The following ZNF292 variants were observed in gnomAD, a reference collection of about 807,000 sequenced individuals.
ZNF292 encodes 16 zinc-finger domain protein.
A neutral mutation model predicts 217.9 loss-of-function variants in ZNF292; 26 were observed. That is an observed-to-expected ratio of 0.12 (90% CI 0.09 to 0.17). The LOEUF (loss-of-function observed/expected upper bound fraction) is 0.17, where lower values mean the gene tolerates loss of function less well. ZNF292 is among the 10% of genes least tolerant of loss of function. ZNF292 has a pLI of 1.00. For synonymous variants in ZNF292, 1,257 were observed against 1,124.1 expected, an observed-to-expected ratio of 1.12 and a Z score of -2.37; for missense variants, 2,904 against 3,175.2, an observed-to-expected ratio of 0.91 and a Z score of 2.05.
chr6:87,159,425 T>G lies in ZNF292; in HGVS notation c.168+3666T>G, dbSNP rs1286418721. Among the ~76,000 whole-genome samples the G allele has an allele frequency of 3.3e-5, 5 of 151,554 alleles. No individual in the cohort carries two copies. In the South Asian group the frequency reaches 1.0e-3, roughly 31 times the overall value. ...GGGGTCTTGCTACATTGCCCAGGTATGATCATAGCACACTACAACCTCAAA... is the reference window on the plus strand; with the variant it reads ...GGGGTCTTGCTACATTGCCCAGGTAGGATCATAGCACACTACAACCTCAAA... On this transcript the variant is annotated intron_variant, in intron 1 of 7. Coordinates refer to ENST00000369577, the MANE Select transcript of ZNF292 (RefSeq NM_015021.3).
rs771418582 is a variant in ZNF292 at position 87,255,495 on chromosome 6, G to A, written c.1866G>A (p.Gln622=). Residue 622 remains glutamine (Q), a synonymous_variant, in exon 8 of 8, where the codon CAG becomes CAA. Transcript: ENST00000369577. The stretch of plus-strand genomic sequence containing the variant: ...AGATCACAACTACCAATGAAAATCA[G>A]AAGACTAATACTGTGGCTAAACAGG... ...PPKITTTNEN[Q]KTNTVAKQEQ... 1.9e-6 allele frequency: 3 copies of A among 1,613,240 alleles called. No homozygotes were observed. Among genetic ancestry groups the A allele is most frequent in the South Asian group, 2.2e-5 (2 of 91,034 alleles).
intron 1 of ZNF292, chr6:87,215,260 T>C (rs1023233045): frequency 1.3e-5 from 2 of 152,126 alleles, no homozygotes; most frequent in African/African-American, 2.4e-5. Context: ...ATTTAAAATA[T>C]TCACTTAATT....
intron 3 of ZNF292, 128 bp from the exon 4 acceptor site, chr6:87,218,468 C>A: frequency 1.6e-6 from 1 of 609,858 alleles, no homozygotes; most frequent in Non-Finnish European, 2.6e-6. Context: ...GAATTGAGTA[C>A]TTTGTAATGT....
intron 1 of ZNF292, among the ~76,000 whole-genome samples, chr6:87,187,620 T>G (rs1014303158): frequency 3.5e-5 from 5 of 144,652 alleles, no homozygotes; most frequent in Non-Finnish European, 7.4e-5. Context: ...GAGGCTGAGG[T>G]GGGAGGATCA....
At chr6:87,179,288 G>A (rs901085691) in intron 1 of ZNF292, among the ~76,000 whole-genome samples, 17 of 150,456 alleles carry the variant, frequency 1.1e-4, no homozygotes, top group African/African-American at 4.2e-4. Flanking sequence ...AGCTTCCCGA[G>A]TAGCTGGGAT....
chr6:87,161,448 G>T (rs1352913636), intron 1 of ZNF292, among the ~76,000 whole-genome samples: 2 of 152,154 alleles, frequency 1.3e-5, no homozygotes, highest in African/African-American at 2.4e-5. Flanking sequence ...TTGAGACAGG[G>T]TCTCCACTCT....
chr6:87,216,924 G>A (rs891726446), intron 3 of ZNF292, among the ~76,000 whole-genome samples: 1 of 151,510 alleles, frequency 6.6e-6, no homozygotes, highest in Admixed American at 6.6e-5. Context: ...TTTATTTAGT[G>A]TTGTTATTCT....
At chr6:87,221,304 T>C (rs1773072672) in intron 4 of ZNF292, among the ~76,000 whole-genome samples, 1 of 152,228 alleles carries the variant, frequency 6.6e-6, no homozygotes, top group African/African-American at 2.4e-5. Context: ...TACTTAAATA[T>C]TACTTATGCC....
intron 4 of ZNF292, among the ~76,000 whole-genome samples, chr6:87,222,184 G>T (rs571516755): frequency 1.3e-5 from 2 of 151,476 alleles, no homozygotes; most frequent in African/African-American, 4.9e-5. Context: ...ATTTCCTCTC[G>T]TTTTGCAGAC....
chr6:87,259,242 C>G lies in ZNF292; in HGVS notation c.5613C>G (p.Pro1871=), dbSNP rs1775422352. The change falls in exon 8 of 8, where the codon CCC becomes CCG. Residue 1871 remains proline, a synonymous_variant. Transcript: ENST00000369577. ...TAAATACATCAGTGACACTGACTCC[C>G]ACGCCTGTTAAATCAACTGCAGATA... The part of the protein sequence containing the change: ...VLINTSVTLT[P]TPVKSTADIT... 5 of 1,613,560 alleles carry G rather than the reference C, an allele frequency of 3.1e-6. No individual in the cohort carries two copies. In the Admixed American group the frequency reaches 5.0e-5, roughly 16 times the overall value.
At position 87,258,907 on chromosome 6, in the gene ZNF292, G is replaced by A. The variant is rs1482487408; in HGVS notation, c.5278G>A (p.Glu1760Lys). ...TATACAAAACTTTGAAAAGACTCTT[G>A]AAATTATTAAAACTGCTATGAATTC... ...NVIQNFEKTL[E>K]IIKTAMNSQI... The change falls in exon 8 of 8, where the codon GAA becomes AAA. Residue 1760 changes from glutamate (E) to lysine (K), a missense_variant. Coordinates refer to ENST00000369577, the MANE Select transcript of ZNF292 (RefSeq NM_015021.3). The A allele has an allele frequency of 6.2e-7, 1 of 1,607,362 alleles. No homozygotes were observed.
rs530654247 is a variant in ZNF292 at position 87,209,135 on chromosome 6, G to C, written c.169-6768G>C. Among the ~76,000 whole-genome samples, 33 of 146,180 alleles carry C rather than the reference G, an allele frequency of 2.3e-4. 1 individual carries two copies. The South Asian group carries it at 7.0e-3, about 31-fold the overall frequency. ...CCCTCCCCATTTTCAGAGGCATCTA[G>C]TGCTCCCAGTTCCTGAGCCCTTTGG... On this transcript the variant is annotated intron_variant, in intron 1 of 7. Transcript: ENST00000369577.
chr6:87,215,746 C>G (rs1772719938), intron 1 of ZNF292, among the ~76,000 whole-genome samples, 157 bp from the exon 2 acceptor site: 1 of 152,014 alleles, frequency 6.6e-6, no homozygotes, highest in South Asian at 2.1e-4. Context: ...ATGACTATGA[C>G]TTTATTTCAT....
chr6:87,167,914 G>A (rs1236479932), intron 1 of ZNF292, among the ~76,000 whole-genome samples: 4 of 152,214 alleles, frequency 2.6e-5, no homozygotes, highest in Non-Finnish European at 5.9e-5. Flanking sequence ...TATAAAGGCA[G>A]AACCAAAAGG....
chr6:87,225,247 A>G (rs1220982868), intron 4 of ZNF292, among the ~76,000 whole-genome samples: 1 of 152,012 alleles, frequency 6.6e-6, no homozygotes, highest in Non-Finnish European at 1.5e-5. Context: ...TTCTTTGTAT[A>G]TTTTGGGTAC....
At position 87,255,273 on chromosome 6, in the gene ZNF292, C is replaced by T; in HGVS notation, c.1644C>T (p.Asp548=). Residue 548 remains aspartate, a synonymous_variant, in exon 8 of 8, where the codon GAC becomes GAT. Transcript: ENST00000369577. Reference sequence around the variant, plus strand: ...ACATGCAGTATTGTGTGTTGTGTGACAAAGAATTCCTTGGTCACAGAATAG... The same window carrying T: ...ACATGCAGTATTGTGTGTTGTGTGATAAAGAATTCCTTGGTCACAGAATAG... ...QAYMQYCVLC[D]KEFLGHRIVR... is the part of the protein sequence containing the mutation. 1 of 1,613,840 alleles carries T rather than the reference C, an allele frequency of 6.2e-7. No individual in the cohort carries two copies. The highest frequency in any genetic ancestry group is 8.5e-7 in the Non-Finnish European group (1 of 1,179,832).
intron 1 of ZNF292, among the ~76,000 whole-genome samples, chr6:87,179,549 AT>A (rs1302086052): frequency 1.3e-5 from 2 of 152,126 alleles, no homozygotes; most frequent in African/African-American, 4.8e-5. Flanking sequence ...AAATTTTTTA[AT>A]TGGGTACCTT....
chr6:87,203,904 T>C (rs1482057649), intron 1 of ZNF292, among the ~76,000 whole-genome samples: 2 of 152,100 alleles, frequency 1.3e-5, no homozygotes, highest in Non-Finnish European at 2.9e-5. Context: ...GAGAGCCGCC[T>C]AGTTCCAGCA....
chr6:87,191,348 C>T (rs961953948), intron 1 of ZNF292, among the ~76,000 whole-genome samples: 3 of 152,088 alleles, frequency 2.0e-5, no homozygotes, highest in African/African-American at 7.2e-5. Context: ...TGTTGGGCCA[C>T]ATTCAGAGTC....
Sources: allele counts gnomAD v4.1 joint callset (sites outside exome capture counted in the v4.1 genomes callset), GRCh38; gene constraint gnomAD v4.1.1; transcripts MANE v1.5; gene names NCBI Gene and HGNC (gene_info 2026-07-23, HGNC 2026-07-21).